Variants in LRCH1 observed in about 807,000 individuals in gnomAD.
LRCH1 encodes leucine rich repeats and calponin homology domain containing 1.
In LRCH1, 23 loss-of-function variants were observed where a neutral mutation model predicts 94.9. That is an observed-to-expected ratio of 0.24 (90% CI 0.17 to 0.34). The LOEUF (loss-of-function observed/expected upper bound fraction) is 0.34, where lower values mean the gene tolerates loss of function less well. Ranked by LOEUF, LRCH1 falls within the 10% of genes least tolerant of loss-of-function variation. The pLI is 1.00. For synonymous variants in LRCH1, 364 were observed against 354.9 expected (o/e 1.03, Z -0.29); for missense variants, 790 against 945.9 (o/e 0.84, Z 2.16).
At chr13:46,658,973 G>A (rs78304509) in intron 2 of LRCH1, among the ~76,000 whole-genome samples, 9 of 152,058 alleles carry the variant, frequency 5.9e-5, no homozygotes, top group Admixed American at 4.6e-4. Context: ...GGTATGCAGG[G>A]TTATAGTAAG....
chr13:46,553,900 G>T (rs1438556625), intron 1 of LRCH1, among the ~76,000 whole-genome samples, 197 bp downstream of exon 1: 1 of 152,224 alleles, frequency 6.6e-6, no homozygotes, highest in Non-Finnish European at 1.5e-5. Context: ...GCCCTGCCTG[G>T]TCCGGCGATG....
intron 1 of LRCH1, among the ~76,000 whole-genome samples, chr13:46,600,654 C>CACACACACAG (rs138619869): frequency 1.3e-5 from 2 of 151,158 alleles, no homozygotes; most frequent in East Asian, 1.9e-4. Flanking sequence ...CACACACACA[C>CACACACACAG]AGAACCTGAA....
At chr13:46,716,373 C>A (rs1872321159) in intron 16 of LRCH1, among the ~76,000 whole-genome samples, 1 of 152,194 alleles carries the variant, frequency 6.6e-6, no homozygotes. Flanking sequence ...TTATTTAGAT[C>A]TGCACACCAC....
chr13:46,692,693 A>C, intron 8 of LRCH1, 52 bp downstream of exon 8: 1 of 1,366,560 alleles, frequency 7.3e-7, no homozygotes. Flanking sequence ...TTCAAATGTT[A>C]TGTTTAAAAT....
chr13:46,560,614 C>T (rs2050120065), intron 1 of LRCH1, among the ~76,000 whole-genome samples: 2 of 152,068 alleles, frequency 1.3e-5, no homozygotes, highest in Non-Finnish European at 2.9e-5. Context: ...TTTTTTAATG[C>T]CCAACTCATA....
chr13:46,655,633 A>G (rs1424431272), intron 2 of LRCH1, among the ~76,000 whole-genome samples: 2 of 152,222 alleles, frequency 1.3e-5, no homozygotes, highest in Non-Finnish European at 1.5e-5. Flanking sequence ...ACAAAGTTTA[A>G]AATCTATTTT....
intron 19 of LRCH1, among the ~76,000 whole-genome samples, chr13:46,735,788 C>CTTTTTTTTTTTTTTTTTTTTTTTTTTTT (rs1288570749): frequency 2.9e-5 from 2 of 69,916 alleles, no homozygotes; most frequent in Non-Finnish European, 5.5e-5. Context: ...TTTTCTTTTT[C>CTTTTTTTTTTTTTTTTTTTTTTTTTTTT]TTTTCTTTTT....
At position 46,705,311 on chromosome 13, in the gene LRCH1, C is replaced by G. The variant is rs183016955; in HGVS notation, c.1527+7C>G. ...GACATCTCCGGTGTGTGAGGTAAGG[C>G]TGCTGGTAGATTCACCAGAACTCTG... On this transcript the variant is annotated splice_region_variant and intron_variant, in intron 13 of 19. Transcript: ENST00000389797. 6.2e-7 allele frequency: 1 copy of G among 1,612,766 alleles called. No individual in the cohort carries two copies. Among genetic ancestry groups the G allele is most frequent in the East Asian group, 2.2e-5 (1 of 44,864 alleles).
chr13:46,693,018 A>G (rs1292398582), intron 8 of LRCH1, among the ~76,000 whole-genome samples: 1 of 135,134 alleles, frequency 7.4e-6, no homozygotes, highest in Non-Finnish European at 1.5e-5. Flanking sequence ...CCCAGGCTGG[A>G]TGGAGTGCAG....
In LRCH1 at chr13:46,665,270, T is replaced by C. The variant is rs1161811485; in HGVS notation, c.453-3760T>C. Among the ~76,000 whole-genome samples, 3 of 152,248 alleles carry C rather than the reference T, an allele frequency of 2.0e-5. No homozygotes were observed. The South Asian group carries it at 6.2e-4, about 32-fold the overall frequency. ...ACCAATAATAAATAATATCAGATAC[T>C]AAGATTGAGACTCAAACTATGGACA... On this transcript the variant is annotated intron_variant, in intron 2 of 19. Coordinates refer to ENST00000389797, the MANE Select transcript of LRCH1 (RefSeq NM_001164211.2).
chr13:46,709,401 G>A (rs1166553691), intron 13 of LRCH1, among the ~76,000 whole-genome samples: 3 of 152,206 alleles, frequency 2.0e-5, no homozygotes, highest in Admixed American at 6.5e-5. Context: ...CACAGGTCCT[G>A]TGCTCAGTGC....
chr13:46,556,636 T>G (rs1594240837), intron 1 of LRCH1, among the ~76,000 whole-genome samples: 1 of 152,246 alleles, frequency 6.6e-6, no homozygotes, highest in East Asian at 1.9e-4. Context: ...CATTTATACA[T>G]GGGAAGACTG....
chr13:46,698,505 G>A (rs1348346332), intron 9 of LRCH1, among the ~76,000 whole-genome samples: 4 of 152,132 alleles, frequency 2.6e-5, no homozygotes, highest in Non-Finnish European at 5.9e-5. Context: ...TGTTGTACAC[G>A]TGAAAACTAT....
intron 16 of LRCH1, among the ~76,000 whole-genome samples, chr13:46,722,767 A>T (rs1872642725): frequency 6.6e-6 from 1 of 152,258 alleles, no homozygotes; most frequent in Non-Finnish European, 1.5e-5. Flanking sequence ...ACTCAGGCTT[A>T]CAAAAAACTT....
chr13:46,662,376 C>T (rs2051460371), intron 2 of LRCH1, among the ~76,000 whole-genome samples: 1 of 152,188 alleles, frequency 6.6e-6, no homozygotes, highest in Non-Finnish European at 1.5e-5. Flanking sequence ...AGTCTTAATA[C>T]TTAAAAGCCC....
At chr13:46,554,158 A>G (rs1026525950) in intron 1 of LRCH1, among the ~76,000 whole-genome samples, 2 of 152,228 alleles carry the variant, frequency 1.3e-5, no homozygotes, top group Non-Finnish European at 2.9e-5. Context: ...CCGTCTTTGC[A>G]TCGAGGCGTA....
chr13:46,631,684 C>T (rs1055063258), intron 1 of LRCH1, among the ~76,000 whole-genome samples: 93 of 151,872 alleles, frequency 6.1e-4, no homozygotes, highest in African/African-American at 2.2e-3. Context: ...GCTGTTGATT[C>T]TTTTTAAATA....
intron 1 of LRCH1, among the ~76,000 whole-genome samples, chr13:46,613,127 C>T (rs1427429967): frequency 1.3e-5 from 2 of 152,184 alleles, no homozygotes; most frequent in Non-Finnish European, 2.9e-5. Context: ...CGTGGTGGCT[C>T]ACGCCTGTAA....
At chr13:46,644,774 T>G (rs551210984) in intron 1 of LRCH1, among the ~76,000 whole-genome samples, 1 of 152,364 alleles carries the variant, frequency 6.6e-6, no homozygotes, top group Non-Finnish European at 1.5e-5. Context: ...CAGAAGCCCA[T>G]TGTTACCTTA....
Sources: gnomAD v4.1 joint callset for allele counts (sites outside exome capture counted in the v4.1 genomes callset) on GRCh38, gnomAD v4.1.1 for gene constraint, MANE v1.5 for transcripts, NCBI Gene and HGNC (gene_info 2026-07-23, HGNC 2026-07-21) for gene names.